Variants in CPAP observed in about 807,000 individuals in gnomAD.
CPAP encodes the protein centrosome assembly and centriole elongation protein.
At chr13:24,892,208 A>G in the CPAP span, among the ~76,000 whole-genome samples, 1 of 152,316 alleles carries the variant, frequency 6.6e-6, no homozygotes, top group East Asian at 1.9e-4. Context: ...CTTGATTAAA[A>G]AGTGTCATAT....
the CPAP span, among the ~76,000 whole-genome samples, chr13:24,893,059 C>CTGA: frequency 6.6e-6 from 1 of 152,064 alleles, no homozygotes; most frequent in African/African-American, 2.4e-5. Flanking sequence ...CACCGCAGAC[C>CTGA]ATCAGCAAAA....
At chr13:24,911,703 A>ATT in the CPAP span, among the ~76,000 whole-genome samples, 78 of 135,198 alleles carry the variant, frequency 5.8e-4, no homozygotes, top group South Asian at 7.2e-4. Flanking sequence ...CACCCAGCTC[A>ATT]TTTTTTTTTT....
the CPAP span, chr13:24,905,377 G>A: frequency 6.2e-7 from 1 of 1,614,020 alleles, no homozygotes; most frequent in East Asian, 2.2e-5. Flanking sequence ...TGTTTAACTT[G>A]AGTTCATTTC....
chr13:24,899,393 G>T, the CPAP span: 1 of 1,576,980 alleles, frequency 6.3e-7, no homozygotes, highest in South Asian at 1.1e-5. Flanking sequence ...TAACTTACAT[G>T]AATATAACAT....
At chr13:24,902,172 C>T in the CPAP span, among the ~76,000 whole-genome samples, 2 of 151,780 alleles carry the variant, frequency 1.3e-5, no homozygotes, top group Non-Finnish European at 2.9e-5. Context: ...AAGGATAACA[C>T]AATGTCTAAA....
At chr13:24,914,745 C>T in the CPAP span, among the ~76,000 whole-genome samples, 2 of 152,132 alleles carry the variant, frequency 1.3e-5, no homozygotes, top group African/African-American at 2.4e-5. Flanking sequence ...CACTGAACTC[C>T]AGCCTGGGCA....
At chr13:24,933,730 CT>C in the CPAP span, among the ~76,000 whole-genome samples, 564 of 144,166 alleles carry the variant, frequency 3.9e-3, no homozygotes, top group Middle Eastern at 7.2e-3. Flanking sequence ...ACCTCTTCTT[CT>C]TTTTTTTTTT....
chr13:24,882,777 C>T, the CPAP span: 2 of 191,372 alleles, frequency 1.0e-5, no homozygotes, highest in Non-Finnish European at 2.2e-5. Context: ...TACAGAGACA[C>T]GTGTTTACTC....
the CPAP span, among the ~76,000 whole-genome samples, chr13:24,923,660 T>A: frequency 6.6e-6 from 1 of 152,170 alleles, no homozygotes; most frequent in Admixed American, 6.5e-5. Flanking sequence ...AGAAATCAAA[T>A]GAAGTGCCAT....
chr13:24,911,835 A>T, the CPAP span: 1 of 1,337,638 alleles, frequency 7.5e-7, no homozygotes, highest in Non-Finnish European at 1.1e-6. Flanking sequence ...GCTAGCCTTT[A>T]AAGAAACTGG....
the CPAP span, chr13:24,905,764 C>G: frequency 6.2e-7 from 1 of 1,614,150 alleles, no homozygotes; most frequent in Non-Finnish European, 8.5e-7. Context: ...CTTTATCAGA[C>G]AAATCCAGAT....
chr13:24,912,022 C>T, the CPAP span: 1 of 1,613,992 alleles, frequency 6.2e-7, no homozygotes, highest in South Asian at 1.1e-5. Context: ...GTTGCTCCAA[C>T]TGTTGCCTCT....
the CPAP span, among the ~76,000 whole-genome samples, chr13:24,901,583 A>G: frequency 6.6e-6 from 1 of 152,272 alleles, no homozygotes; most frequent in Admixed American, 6.5e-5. Context: ...AAAATTCTAA[A>G]CAAGCTAAAT....
the CPAP span, among the ~76,000 whole-genome samples, chr13:24,904,605 C>G: frequency 6.6e-6 from 1 of 152,128 alleles, no homozygotes; most frequent in South Asian, 2.1e-4. Flanking sequence ...CATATTAAAA[C>G]TACATAGAAA....
the CPAP span, chr13:24,905,710 T>C: frequency 1.2e-6 from 2 of 1,614,170 alleles, no homozygotes; most frequent in Admixed American, 3.3e-5. Context: ...GCTCAGACAC[T>C]TTATGTTTTA....
At chr13:24,922,470 T>G in the CPAP span, among the ~76,000 whole-genome samples, 3 of 152,334 alleles carry the variant, frequency 2.0e-5, no homozygotes, top group East Asian at 1.9e-4. Context: ...GCTGCCGCGC[T>G]GCCCACAGGA....
chr13:24,921,811 T>C, the CPAP span, among the ~76,000 whole-genome samples: 11 of 152,184 alleles, frequency 7.2e-5, no homozygotes, highest in Non-Finnish European at 1.6e-4. Context: ...GCCAGACTTT[T>C]GCATCTCCTC....
chr13:24,906,861 G>C, the CPAP span: 1 of 1,614,170 alleles, frequency 6.2e-7, no homozygotes, highest in Admixed American at 1.7e-5. Flanking sequence ...TTGCCTTTTT[G>C]AAACTTAGAT....
At chr13:24,907,339 C>A in the CPAP span, 1 of 672,422 alleles carries the variant, frequency 1.5e-6, no homozygotes, top group Non-Finnish European at 2.6e-6. Context: ...CTAACAAAAG[C>A]CACAATCCCT....
Sources: allele counts gnomAD v4.1 joint callset (sites outside exome capture counted in the v4.1 genomes callset), GRCh38; gene constraint gnomAD v4.1.1; transcripts MANE v1.5; gene names NCBI Gene and HGNC (gene_info 2026-07-23, HGNC 2026-07-21).